TAMM41: variants seen among roughly 807,000 people sequenced by gnomAD.
TAMM41 encodes TAM41 mitochondrial translocator assembly and maintenance homolog.
TAMM41 carries 36 observed loss-of-function variants against 44.1 expected under a neutral mutation model. The ratio of observed to expected loss-of-function variants is 0.82; its 90% CI spans 0.63 to 1.08. The LOEUF (loss-of-function observed/expected upper bound fraction) is 1.08. TAMM41 is among the 50% of genes least tolerant of loss of function. The pLI is 0.00. For synonymous variants in TAMM41, 164 were observed against 153.1 expected (o/e 1.07, Z -0.53); for missense variants, 417 against 404.3 (o/e 1.03, Z -0.27).
chr3:11,751,445 A>G, the TAMM41 span, among the ~76,000 whole-genome samples: 12 of 152,100 alleles, frequency 7.9e-5, no homozygotes, highest in Non-Finnish European at 1.5e-4. Context: ...CTTAGCTCTG[A>G]TTTGGCCCCA....
chr3:11,831,500 T>C (rs1184426404), intron 3 of TAMM41, among the ~76,000 whole-genome samples: 1 of 152,218 alleles, frequency 6.6e-6, no homozygotes, highest in Non-Finnish European at 1.5e-5. Flanking sequence ...CTAAAATATA[T>C]CTACCATCTC....
chr3:11,735,945 G>T, the TAMM41 span, among the ~76,000 whole-genome samples: 1 of 152,144 alleles, frequency 6.6e-6, no homozygotes, highest in Non-Finnish European at 1.5e-5. Context: ...AGATTCAAAT[G>T]GGGTTAGGGG....
At chr3:11,835,363 AT>A (rs780795763) in intron 3 of TAMM41, among the ~76,000 whole-genome samples, 4 of 152,174 alleles carry the variant, frequency 2.6e-5, no homozygotes, top group Admixed American at 6.5e-5. Flanking sequence ...TAAAAAAAAA[AT>A]ATGTTCATCA....
the TAMM41 span, among the ~76,000 whole-genome samples, chr3:11,769,484 T>C: frequency 2.0e-5 from 3 of 152,186 alleles, no homozygotes; most frequent in South Asian, 2.1e-4. Flanking sequence ...ATTTGTGGCC[T>C]TGTGGACCAC....
At chr3:11,767,942 G>C in the TAMM41 span, among the ~76,000 whole-genome samples, 38 of 150,952 alleles carry the variant, frequency 2.5e-4, no homozygotes, top group Admixed American at 2.0e-4. Flanking sequence ...TTTGATTATA[G>C]ATTTTGATTA....
At chr3:11,810,352 G>C (rs1160138715) in intron 5 of TAMM41, among the ~76,000 whole-genome samples, 1 of 152,176 alleles carries the variant, frequency 6.6e-6, no homozygotes, top group African/African-American at 2.4e-5. Flanking sequence ...ATACTAAGGT[G>C]CTGAAGATAA....
intron 2 of TAMM41, among the ~76,000 whole-genome samples, chr3:11,842,028 C>G (rs557269391): frequency 1.3e-5 from 2 of 152,186 alleles, no homozygotes; most frequent in African/African-American, 2.4e-5. Flanking sequence ...CCTTCAAATC[C>G]TTCTCAAGTC....
intron 6 of TAMM41, chr3:11,808,710 T>C (rs1056866374): frequency 2.6e-6 from 2 of 777,808 alleles, no homozygotes; most frequent in African/African-American, 3.8e-5. Flanking sequence ...TCTCTGAAGA[T>C]AAGGTTCAGG....
chr3:11,727,819 C>A, the TAMM41 span, among the ~76,000 whole-genome samples: 82 of 144,100 alleles, frequency 5.7e-4, no homozygotes, highest in African/African-American at 2.1e-3. Flanking sequence ...CAGAGTCTAG[C>A]TCTGTTGCCC....
chr3:11,724,262 C>A, the TAMM41 span, among the ~76,000 whole-genome samples: 2 of 150,118 alleles, frequency 1.3e-5, no homozygotes, highest in Non-Finnish European at 3.0e-5. Context: ...TGCCACCATG[C>A]CTGGCTAATT....
chr3:11,780,086 A>G, the TAMM41 span, among the ~76,000 whole-genome samples: 62 of 152,262 alleles, frequency 4.1e-4, 1 homozygote, highest in African/African-American at 1.5e-3. Context: ...TCTATTCTCC[A>G]TAGTGCAGCC....
the TAMM41 span, among the ~76,000 whole-genome samples, chr3:11,765,516 C>A: frequency 1.3e-5 from 2 of 152,132 alleles, no homozygotes; most frequent in African/African-American, 4.8e-5. Flanking sequence ...GGATTCAACA[C>A]CAGGTCATTT....
chr3:11,793,054 C>G (rs535681860), intron 7 of TAMM41, among the ~76,000 whole-genome samples: 28 of 100,368 alleles, frequency 2.8e-4, no homozygotes, highest in African/African-American at 1.2e-3. Context: ...AGCAAGGCCC[C>G]ATCTCAAAAA....
At chr3:11,767,184 T>C in the TAMM41 span, among the ~76,000 whole-genome samples, 35,903 of 151,970 alleles carry the variant, frequency 0.24, 4,959 homozygotes, top group African/African-American at 0.38. Context: ...TTCTCGTGCC[T>C]CAGCCTCCCG....
chr3:11,741,550 C>T, the TAMM41 span, among the ~76,000 whole-genome samples: 2 of 150,104 alleles, frequency 1.3e-5, no homozygotes, highest in Non-Finnish European at 2.9e-5. Flanking sequence ...TTCATGTCTT[C>T]CACCCACTAA....
chr3:11,750,622 T>C, the TAMM41 span, among the ~76,000 whole-genome samples: 1 of 152,126 alleles, frequency 6.6e-6, no homozygotes, highest in Admixed American at 6.6e-5. Context: ...CTCTGAAATA[T>C]TGACTGCTAC....
intron 3 of TAMM41, among the ~76,000 whole-genome samples, chr3:11,836,987 C>A (rs951432295): frequency 2.6e-5 from 4 of 152,292 alleles, no homozygotes; most frequent in Admixed American, 1.3e-4. Flanking sequence ...GTGAAGTGCA[C>A]ACATCTTAAG....
intron 4 of TAMM41, among the ~76,000 whole-genome samples, chr3:11,827,018 C>A (rs114868345): frequency 6.6e-6 from 1 of 152,166 alleles, no homozygotes; most frequent in Non-Finnish European, 1.5e-5. Context: ...CTTTTTCACA[C>A]GTGTTGTTTT....
chr3:11,763,043 A>AAAT, the TAMM41 span, among the ~76,000 whole-genome samples: 1 of 152,234 alleles, frequency 6.6e-6, no homozygotes, highest in Non-Finnish European at 1.5e-5. Context: ...TGTCTCAAAA[A>AAAT]AAATAAATAA....
Sources: allele counts gnomAD v4.1 joint callset (sites outside exome capture counted in the v4.1 genomes callset), GRCh38; gene constraint gnomAD v4.1.1; transcripts MANE v1.5; gene names NCBI Gene and HGNC (gene_info 2026-07-23, HGNC 2026-07-21).